Variants in C16orf74 observed in about 807,000 individuals in gnomAD.
C16orf74 encodes uncharacterized protein C16orf74.
Under a neutral mutation model 6.5 loss-of-function variants are expected in C16orf74, and 10 were observed. The ratio of observed to expected loss-of-function variants is 1.54; its 90% CI spans 0.95 to 2.61. C16orf74 has a LOEUF of 2.61. C16orf74 is among the 30% of genes most tolerant of loss of function. The pLI, the probability that C16orf74 is intolerant of heterozygous loss-of-function variation, is 0.00. For synonymous variants in C16orf74, 60 were observed against 42.5 expected (o/e 1.41, Z -1.60); for missense variants, 141 against 105.9 (o/e 1.33, Z -1.45).
chr16:85,713,561 C>T (rs767528551), intron 2 of C16orf74, among the ~76,000 whole-genome samples: 1 of 152,206 alleles, frequency 6.6e-6, no homozygotes, highest in African/African-American at 2.4e-5. Context: ...GCATGAGCCA[C>T]AGCGCCCAGC....
At chr16:85,716,020 C>A (rs1023601289) in intron 2 of C16orf74, among the ~76,000 whole-genome samples, 2 of 146,288 alleles carry the variant, frequency 1.4e-5, no homozygotes, top group Non-Finnish European at 2.9e-5. Flanking sequence ...TGATCGGAGG[C>A]CCCCGACAAA....
intron 2 of C16orf74, among the ~76,000 whole-genome samples, chr16:85,714,500 A>T (rs1308684272): frequency 6.6e-6 from 1 of 151,490 alleles, no homozygotes; most frequent in African/African-American, 2.4e-5. Context: ...ACTCACTGCA[A>T]CCTCTGCCTC....
intron 2 of C16orf74, among the ~76,000 whole-genome samples, chr16:85,723,608 G>A (rs2054104275): frequency 6.6e-6 from 1 of 152,132 alleles, no homozygotes; most frequent in Non-Finnish European, 1.5e-5. Context: ...AAATGTGAAG[G>A]GTACACACCC....
chr16:85,724,508 C>G (rs1221580576), intron 2 of C16orf74, among the ~76,000 whole-genome samples: 2 of 152,150 alleles, frequency 1.3e-5, no homozygotes, highest in Admixed American at 1.3e-4. Flanking sequence ...GCTTCTGTAT[C>G]TACAGTGGGG....
intron 1 of C16orf74, among the ~76,000 whole-genome samples, chr16:85,736,513 G>A (rs144400227): frequency 6.6e-6 from 1 of 152,174 alleles, no homozygotes; most frequent in Non-Finnish European, 1.5e-5. Context: ...AGTCCAGGTG[G>A]AGCTAGTAAG....
At chr16:85,741,511 A>G (rs77310585) in intron 1 of C16orf74, 6,055 of 165,260 alleles carry the variant, frequency 0.037, 420 homozygotes, top group African/African-American at 0.14. Context: ...CAGGTGCAGC[A>G]TCGAGGGTGG....
chr16:85,730,965 T>A (rs1424824949), intron 2 of C16orf74, among the ~76,000 whole-genome samples: 1 of 152,154 alleles, frequency 6.6e-6, no homozygotes, highest in Non-Finnish European at 1.5e-5. Flanking sequence ...TGGAATATAC[T>A]GAATTAAATA....
chr16:85,716,798 A>G (rs1475295314), intron 2 of C16orf74, among the ~76,000 whole-genome samples: 1 of 152,120 alleles, frequency 6.6e-6, no homozygotes, highest in African/African-American at 2.4e-5. Flanking sequence ...AGAGGTGGCC[A>G]AACAGGAGGG....
intron 1 of C16orf74, among the ~76,000 whole-genome samples, chr16:85,748,934 T>A (rs963521209): frequency 3.2e-4 from 7 of 22,040 alleles, no homozygotes; most frequent in South Asian, 3.5e-3. Context: ...GATTTTTTTT[T>A]TTTTTTTTTT....
chr16:85,736,594 T>C (rs1175604343), intron 1 of C16orf74, among the ~76,000 whole-genome samples: 1 of 151,658 alleles, frequency 6.6e-6, no homozygotes, highest in Non-Finnish European at 1.5e-5. Context: ...GAGATACTGA[T>C]GGGAACAGGC....
chr16:85,743,426 C>T (rs1258158374), intron 1 of C16orf74: 1 of 152,138 alleles, frequency 6.6e-6, no homozygotes, highest in Non-Finnish European at 1.5e-5. Flanking sequence ...TATCACCATC[C>T]TGTTTTATAA....
chr16:85,710,207 G>T lies in C16orf74; in HGVS notation c.129C>A (p.Pro43=), dbSNP rs112376688. The T allele has an allele frequency of 2.0e-6, 3 of 1,496,222 alleles. No individual in the cohort carries two copies. The highest frequency in any genetic ancestry group is 2.7e-5 in the East Asian group (1 of 36,924). 92.7% of individuals were successfully genotyped at this position (1,496,222 alleles called of 1,614,324 possible). ...TCGGCAGCATCATGCCCGTGGGGGT[G>T]GGGGGCGTGATGATGATGTCGGGCA... The part of the protein sequence containing the change: ...LDVPDIIITP[P]TPTGMMLPRD... The change falls in exon 3 of 4, where the codon CCC becomes CCA. Residue 43 remains proline (P), a synonymous_variant. Coordinates refer to ENST00000284245, the MANE Select transcript of C16orf74 (RefSeq NM_206967.3).
chr16:85,718,191 T>G (rs1050494371), intron 2 of C16orf74, among the ~76,000 whole-genome samples: 2 of 152,206 alleles, frequency 1.3e-5, no homozygotes, highest in African/African-American at 4.8e-5. Flanking sequence ...CATCTTGGCC[T>G]CCCAAAGTGC....
chr16:85,719,924 C>A (rs1031118053), intron 2 of C16orf74, among the ~76,000 whole-genome samples: 1 of 151,862 alleles, frequency 6.6e-6, no homozygotes, highest in Admixed American at 6.5e-5. Flanking sequence ...GAGGCAGGAA[C>A]AGAGGGGCCA....
intron 2 of C16orf74, among the ~76,000 whole-genome samples, chr16:85,720,771 C>CAAAA (rs57419341): frequency 1.2e-5 from 1 of 81,488 alleles, no homozygotes; most frequent in African/African-American, 5.1e-5. Context: ...GATCCTGCCT[C>CAAAA]AAAAAAAAAA....
At chr16:85,742,464 C>A (rs1012333993) in intron 1 of C16orf74, among the ~76,000 whole-genome samples, 1 of 152,212 alleles carries the variant, frequency 6.6e-6, no homozygotes, top group African/African-American at 2.4e-5. Flanking sequence ...TCACCTTCCG[C>A]CTTGAGTGGA....
At chr16:85,715,093 C>G (rs1056247041) in intron 2 of C16orf74, among the ~76,000 whole-genome samples, 3 of 150,282 alleles carry the variant, frequency 2.0e-5, no homozygotes, top group African/African-American at 7.4e-5. Flanking sequence ...GGAGGCGGAG[C>G]TTGCAGTGAG....
intron 1 of C16orf74, among the ~76,000 whole-genome samples, chr16:85,738,172 G>A (rs1345652401): frequency 1.3e-5 from 2 of 151,816 alleles, no homozygotes; most frequent in African/African-American, 4.8e-5. Flanking sequence ...TTGAGCCCAG[G>A]AGGTTGAGAC....
intron 1 of C16orf74, among the ~76,000 whole-genome samples, chr16:85,745,829 C>A (rs1247877810): frequency 6.6e-6 from 1 of 152,172 alleles, no homozygotes; most frequent in Non-Finnish European, 1.5e-5. Context: ...GCTGGAGGGA[C>A]CCTGCTTTTC....
Sources: gnomAD v4.1 joint callset for allele counts (sites outside exome capture counted in the v4.1 genomes callset) on GRCh38, gnomAD v4.1.1 for gene constraint, MANE v1.5 for transcripts, NCBI Gene and HGNC (gene_info 2026-07-23, HGNC 2026-07-21) for gene names.